The following PLAAT4 variants were observed in gnomAD, a reference collection of about 807,000 sequenced individuals.
PLAAT4 encodes HRAS-like suppressor 4.
PLAAT4 carries 12 observed loss-of-function variants against 14.1 expected under a neutral mutation model. That is an observed-to-expected ratio of 0.85 (90% CI 0.54 to 1.37). PLAAT4 has a LOEUF of 1.37. Ranked by LOEUF, PLAAT4 falls within the 40% of genes most tolerant of loss-of-function variation. The probability of loss-of-function intolerance (pLI) is 0.00; values close to 1 mark genes in which losing one functional copy is unlikely to be tolerated. For missense variants in PLAAT4, 163 were observed against 211.7 expected, an observed-to-expected ratio of 0.77 and a Z score of 1.43; for synonymous variants, 77 against 79.8, an observed-to-expected ratio of 0.96 and a Z score of 0.19.
At chr11:63,541,952 C>T (rs192250481) in intron 2 of PLAAT4, among the ~76,000 whole-genome samples, 9 of 152,152 alleles carry the variant, frequency 5.9e-5, no homozygotes, top group East Asian at 3.9e-4. Flanking sequence ...CCAACTCATA[C>T]GATCTAGGTG....
In PLAAT4 at chr11:63,546,121, C is replaced by T. The variant is rs116680849; in HGVS notation, c.388-28C>T. 2.2e-3 allele frequency: 3,504 copies of T among 1,591,228 alleles called. 71 individuals are homozygous for T. The African/African-American group carries it at 0.041, about 19-fold the overall frequency. Reference sequence around the variant, plus strand: ...AAGTGCCAGCCTGGCTTGCCGTGAACGCTCAACAAAAGCTGCTTGCTTTGC... The same window carrying T: ...AAGTGCCAGCCTGGCTTGCCGTGAATGCTCAACAAAAGCTGCTTGCTTTGC... On this transcript the variant is annotated intron_variant, in intron 3 of 3. Transcript: ENST00000255688.
At position 63,545,229 on chromosome 11, in the gene PLAAT4, C is replaced by A. The variant is rs1280020503; in HGVS notation, c.387+340C>A. The A allele has an allele frequency of 3.8e-5, 21 of 552,202 alleles. No individual in the cohort carries two copies. In the East Asian group the frequency reaches 4.9e-4, roughly 13 times the overall value. 34.2% of individuals were successfully genotyped at this position (552,202 alleles called of 1,614,324 possible). A position where few individuals can be genotyped will look rare whatever the true frequency, so the allele number is the denominator to read the frequency against. ...CCCAGGACAATGACAGGTCCTGCAA[C>A]CCCCCAAAGAGTACTCAGGCAAGGG... On this transcript the variant is annotated intron_variant, in intron 3 of 3. Coordinates refer to ENST00000255688, the MANE Select transcript of PLAAT4 (RefSeq NM_004585.5).
At position 63,545,031 on chromosome 11, in the gene PLAAT4, TG is replaced by T. The variant is rs2017353268; in HGVS notation, c.387+143del. ...GAGAGTCAGGACCTCTGAGCTCCAA[TG>T]CCAGATCTGCTTCTAATCCACAGAG... On this transcript the variant is annotated intron_variant, in intron 3 of 3. Coordinates refer to ENST00000255688, the MANE Select transcript of PLAAT4 (RefSeq NM_004585.5). 1.1e-5 allele frequency: 13 copies of T among 1,151,504 alleles called. No individual in the cohort carries two copies. The South Asian group carries it at 1.4e-4, about 13-fold the overall frequency. 71.3% of individuals were successfully genotyped at this position (1,151,504 alleles called of 1,614,324 possible).
chr11:63,541,829 A>G (rs1221360273), intron 2 of PLAAT4, among the ~76,000 whole-genome samples: 2 of 152,156 alleles, frequency 1.3e-5, no homozygotes, highest in Non-Finnish European at 2.9e-5. Context: ...AAATTTTAGC[A>G]CATATATCCA....
chr11:63,542,386 T>C (rs977288610), intron 2 of PLAAT4, among the ~76,000 whole-genome samples: 7 of 152,334 alleles, frequency 4.6e-5, no homozygotes, highest in African/African-American at 1.7e-4. Flanking sequence ...ACTATGAAAG[T>C]CTTCAATCCA....
chr11:63,538,284 G>T, intron 1 of PLAAT4: 5 of 316,262 alleles, frequency 1.6e-5, no homozygotes, highest in South Asian at 1.2e-4. Flanking sequence ...GGACGGTCAT[G>T]GCCAGATGTG....
At chr11:63,538,503 G>T (rs888789639) in intron 1 of PLAAT4, 6 of 277,520 alleles carry the variant, frequency 2.2e-5, no homozygotes, top group African/African-American at 1.4e-4. Context: ...ATATTGGCAT[G>T]AGGAAGAGGG....
At chr11:63,541,189 A>T (rs562887115) in intron 2 of PLAAT4, among the ~76,000 whole-genome samples, 1 of 149,006 alleles carries the variant, frequency 6.7e-6, no homozygotes, top group East Asian at 2.2e-4. Flanking sequence ...GCAGTGTGTA[A>T]AGAGGCTTTT....
chr11:63,540,288 G>A (rs1012400470), intron 2 of PLAAT4, among the ~76,000 whole-genome samples: 5 of 152,200 alleles, frequency 3.3e-5, no homozygotes, highest in African/African-American at 4.8e-5. Flanking sequence ...ATGTTTCTCC[G>A]TGCCAGATCC....
chr11:63,536,875 T>A lies in PLAAT4; in HGVS notation c.7T>A (p.Ser3Thr). 2 of 1,612,536 alleles carry A rather than the reference T, an allele frequency of 1.2e-6. No individual in the cohort carries two copies. The highest frequency in any genetic ancestry group is 1.7e-6 in the Non-Finnish European group (2 of 1,179,242). ...ACCTCCTCTTGGCTTCGAGATGGCT[T>A]CGGTAAGTTTCCCAGGGCTTTGCAT... MA[S>T]PHQEPKPGDL... The change falls in exon 1 of 4, where the codon TCG becomes ACG. Residue 3 changes from serine to threonine, a missense_variant and splice_region_variant. Ser to Thr is a moderately conservative substitution (Grantham distance 58, BLOSUM62 1). Transcript: ENST00000255688.
chr11:63,546,333 C>T lies in PLAAT4; in HGVS notation c.*77C>T. ...TGAGCCTCCCCCATGCCTCCAGCAG[C>T]CTGACCCTCGTGCCCTGTCTCAGGC... is the stretch of plus-strand genomic sequence containing the variant. On this transcript the variant is annotated 3_prime_UTR_variant, in exon 4 of 4. Coordinates refer to ENST00000255688, the MANE Select transcript of PLAAT4 (RefSeq NM_004585.5). 1 of 1,348,084 alleles carries T rather than the reference C, an allele frequency of 7.4e-7. No individual in the cohort carries two copies. The highest frequency in any genetic ancestry group is 1.1e-6 in the Non-Finnish European group (1 of 940,794). 83.5% of individuals were successfully genotyped at this position (1,348,084 alleles called of 1,614,324 possible).
At chr11:63,543,546 C>G (rs2017338431) in intron 2 of PLAAT4, among the ~76,000 whole-genome samples, 1 of 152,200 alleles carries the variant, frequency 6.6e-6, no homozygotes, top group Non-Finnish European at 1.5e-5. Context: ...CTCAAGTGGT[C>G]CACCTGTTTA....
intron 3 of PLAAT4, chr11:63,545,356 T>G: frequency 4.2e-6 from 1 of 239,102 alleles, no homozygotes; most frequent in Non-Finnish European, 8.2e-6. Context: ...TTCACATTTG[T>G]TGCCCCAAAA....
At chr11:63,545,320 C>A (rs2017355632) in intron 3 of PLAAT4, 2 of 324,714 alleles carry the variant, frequency 6.2e-6, no homozygotes, top group Non-Finnish European at 1.1e-5. Context: ...TGGGCACAGC[C>A]TCCATCCCTT....
At chr11:63,536,995 A>T in intron 1 of PLAAT4, 118 bp downstream of exon 1, 1 of 1,255,896 alleles carries the variant, frequency 8.0e-7, no homozygotes, top group East Asian at 2.5e-5. Flanking sequence ...CGTCTTTAGA[A>T]GGCTGTCATG....
chr11:63,542,460 G>A (rs1456691995), intron 2 of PLAAT4, among the ~76,000 whole-genome samples: 1 of 152,054 alleles, frequency 6.6e-6, no homozygotes, highest in Admixed American at 6.5e-5. Flanking sequence ...GGCTCCAATG[G>A]GAAGCAGCAT....
chr11:63,545,257 G>T, intron 3 of PLAAT4: 1 of 501,602 alleles, frequency 2.0e-6, no homozygotes, highest in South Asian at 3.2e-5. Context: ...GGCAAGGGAC[G>T]CTCAGGGTCC....
At chr11:63,537,287 TC>T (rs2017278435) in intron 1 of PLAAT4, among the ~76,000 whole-genome samples, 1 of 152,142 alleles carries the variant, frequency 6.6e-6, no homozygotes, top group Non-Finnish European at 1.5e-5. Flanking sequence ...AACGATGCTT[TC>T]TCTCTCCTCG....
intron 1 of PLAAT4, among the ~76,000 whole-genome samples, chr11:63,539,190 T>A (rs1469573124): frequency 2.6e-5 from 4 of 152,086 alleles, no homozygotes; most frequent in Non-Finnish European, 5.9e-5. Flanking sequence ...GGCTCTTGAG[T>A]CGGCCTACTG....
Sources: gnomAD v4.1 joint callset for allele counts (sites outside exome capture counted in the v4.1 genomes callset) on GRCh38, gnomAD v4.1.1 for gene constraint, MANE v1.5 for transcripts, NCBI Gene and HGNC (gene_info 2026-07-23, HGNC 2026-07-21) for gene names.